Variants in MGST3 observed in about 807,000 individuals in gnomAD.
MGST3 encodes microsomal glutathione S-transferase 3, also known as glutathione S-transferase 3, mitochondrial.
MGST3 carries 13 observed loss-of-function variants against 15.8 expected under a neutral mutation model. That is an observed-to-expected ratio of 0.82 (90% confidence interval 0.54 to 1.31). MGST3 has a LOEUF of 1.31. Among genes scored for constraint, MGST3 ranks in the 50% most tolerant of loss-of-function variants. MGST3 has a pLI of 0.00. For synonymous variants in MGST3, 49 were observed against 68.1 expected (o/e 0.72, Z 1.38); for missense variants, 155 against 192.4 (o/e 0.81, Z 1.15).
chr1:165,648,083 A>G (rs1878076), intron 1 of MGST3, among the ~76,000 whole-genome samples: 53,560 of 152,074 alleles, frequency 0.35, 10,491 homozygotes, highest in East Asian at 0.8. Context: ...TTTTTCTTTT[A>G]ATAACTACTG....
intron 1 of MGST3, among the ~76,000 whole-genome samples, chr1:165,648,256 G>A (rs1353525566): frequency 6.6e-6 from 1 of 152,248 alleles, no homozygotes; most frequent in African/African-American, 2.4e-5. Context: ...CCAGCCCCCG[G>A]AGGGGCAGCG....
rs1389913976 is a variant in MGST3 at position 165,651,018 on chromosome 1, C to T, written c.122C>T (p.Pro41Leu). 2 of 1,613,994 alleles carry T rather than the reference C, an allele frequency of 1.2e-6. No homozygotes were observed. Among genetic ancestry groups the T allele is most frequent in the African/African-American group, 1.3e-5 (1 of 74,924 alleles). ...KARKKYKVEYPIMYSTDPENG... is the reference protein window; with the variant it reads ...KARKKYKVEYLIMYSTDPENG... ...GTATGTGCTTTGTTGTGACAGTATC[C>T]TATCATGTACAGCACGGACCCTGAA... The change falls in exon 3 of 6, where the codon CCT becomes CTT. Residue 41 changes from proline (P) to leucine (L), a missense_variant. Physicochemically the swap from Pro to Leu is moderately conservative, Grantham distance 98 (BLOSUM62 -3). Transcript: ENST00000367889.
intron 1 of MGST3, among the ~76,000 whole-genome samples, chr1:165,644,812 G>A (rs1024787334): frequency 1.3e-5 from 2 of 152,076 alleles, no homozygotes; most frequent in African/African-American, 4.8e-5. Context: ...AGCCTGGAGT[G>A]CAGTGGTGCA....
At chr1:165,637,306 C>A (rs1648138636) in intron 1 of MGST3, among the ~76,000 whole-genome samples, 1 of 152,088 alleles carries the variant, frequency 6.6e-6, no homozygotes, top group Admixed American at 6.6e-5. Context: ...TATTTGGGAG[C>A]AAAGAGAGAG....
chr1:165,638,511 C>T (rs1361468171), intron 1 of MGST3, among the ~76,000 whole-genome samples: 3 of 152,018 alleles, frequency 2.0e-5, no homozygotes, highest in African/African-American at 4.8e-5. Context: ...CAGCCAGGTA[C>T]GGTGGCTCAC....
chr1:165,650,611 A>C (rs1648525795), intron 2 of MGST3: 1 of 207,774 alleles, frequency 4.8e-6, no homozygotes, highest in Non-Finnish European at 9.9e-6. Flanking sequence ...TCACACACTC[A>C]ATTTCTGTTC....
intron 1 of MGST3, among the ~76,000 whole-genome samples, chr1:165,634,768 T>TCTCTCCCTCCCTCCCTCC (rs1648057468): frequency 3.1e-5 from 3 of 96,652 alleles, no homozygotes; most frequent in Admixed American, 1.1e-4. Context: ...TCCCTCCCTC[T>TCTCTCCCTCCCTCCCTCC]CTCTCCCTCC....
intron 1 of MGST3, among the ~76,000 whole-genome samples, chr1:165,644,885 A>C (rs1648355909): frequency 6.6e-6 from 1 of 152,062 alleles, no homozygotes; most frequent in African/African-American, 2.4e-5. Flanking sequence ...CAGCCTCCCG[A>C]GCAGCTGGGA....
intron 1 of MGST3, 99 bp from the exon 2 acceptor site, chr1:165,649,742 A>T: frequency 6.9e-7 from 1 of 1,442,036 alleles, no homozygotes; most frequent in Non-Finnish European, 9.7e-7. Context: ...GTCTCTATTT[A>T]CTCATTTGCC....
At chr1:165,636,528 G>A (rs1648117802) in intron 1 of MGST3, among the ~76,000 whole-genome samples, 1 of 152,084 alleles carries the variant, frequency 6.6e-6, no homozygotes, top group African/African-American at 2.4e-5. Flanking sequence ...CTGAGGTCAG[G>A]AGTTCGAGAC....
chr1:165,647,906 C>T (rs1648450082), intron 1 of MGST3: 1 of 152,210 alleles, frequency 6.6e-6, no homozygotes, highest in East Asian at 1.9e-4. Flanking sequence ...GTGTTCCTTC[C>T]ACCTTGGCCT....
intron 1 of MGST3, among the ~76,000 whole-genome samples, chr1:165,639,235 G>A (rs868815240): frequency 2.0e-5 from 3 of 152,130 alleles, no homozygotes; most frequent in African/African-American, 7.2e-5. Flanking sequence ...GGTGCTTCCC[G>A]TACTGGGGGA....
At chr1:165,649,557 A>G (rs1648498640) in intron 1 of MGST3, 1 of 400,514 alleles carries the variant, frequency 2.5e-6, no homozygotes. Flanking sequence ...GCAGTGGTGT[A>G]GATAAATCTC....
chr1:165,634,435 T>G (rs9333387), intron 1 of MGST3, among the ~76,000 whole-genome samples: 100,736 of 151,978 alleles, frequency 0.66, 33,922 homozygotes, highest in East Asian at 0.78. Flanking sequence ...GGTTTGCCCC[T>G]TACTAAATAC....
chr1:165,649,018 A>C lies in MGST3; in HGVS notation c.-7-823A>C, dbSNP rs1406002115. The C allele has an allele frequency of 2.6e-5, 4 of 152,332 alleles. No homozygotes were observed. The East Asian group carries it at 7.7e-4, about 29-fold the overall frequency. 9.4% of individuals were successfully genotyped at this position (152,332 alleles called of 1,614,324 possible). On this transcript the variant is annotated intron_variant, in intron 1 of 5. Transcript: ENST00000367889. The stretch of plus-strand genomic sequence containing the variant: ...GAAGCCAGGCAATTACCAGGGATGG[A>C]AATTTTAAAGCTGACGGCAGAACAC...
intron 1 of MGST3, among the ~76,000 whole-genome samples, chr1:165,636,398 T>C (rs569716490): frequency 2.9e-4 from 44 of 152,270 alleles, no homozygotes; most frequent in African/African-American, 1.1e-3. Context: ...TGAGATACAG[T>C]GTGATGTTTT....
At chr1:165,650,023 C>T in intron 2 of MGST3, 59 bp downstream of exon 2, 1 of 1,609,732 alleles carries the variant, frequency 6.2e-7, no homozygotes, top group Non-Finnish European at 8.5e-7. Flanking sequence ...CAGGCTTAGC[C>T]AAGAACTTAT....
In MGST3 at chr1:165,644,020, C is replaced by T. The variant is rs142586739; in HGVS notation, c.-7-5821C>T. Among the ~76,000 whole-genome samples, 823 of 150,292 alleles carry T rather than the reference C, an allele frequency of 5.5e-3. 3 individuals carry two copies. The highest frequency in any genetic ancestry group is 0.019 in the African/African-American group (769 of 40,574). On this transcript the variant is annotated intron_variant, in intron 1 of 5. Transcript: ENST00000367889. ...CTGCAGTGAGCTGTGATAGCACCAC[C>T]ATACTCCAGCCTTGGCAACAGAGAC...
chr1:165,654,157 G>A, intron 4 of MGST3, 122 bp from the exon 5 acceptor site: 5 of 866,720 alleles, frequency 5.8e-6, no homozygotes, highest in Non-Finnish European at 7.9e-6. Flanking sequence ...TGCGTGGGGA[G>A]TAGTTGGCCA....
Sources: gnomAD v4.1 joint callset for allele counts (sites outside exome capture counted in the v4.1 genomes callset) on GRCh38, gnomAD v4.1.1 for gene constraint, MANE v1.5 for transcripts, NCBI Gene and HGNC (gene_info 2026-07-23, HGNC 2026-07-21) for gene names.